The following SLC25A37 variants were observed in gnomAD, a reference collection of about 807,000 sequenced individuals.
SLC25A37 encodes solute carrier family 25 member 37.
SLC25A37 carries 17 observed loss-of-function variants against 31.0 expected under a neutral mutation model. That is an observed-to-expected ratio of 0.55 (90% CI 0.38 to 0.82). The LOEUF (loss-of-function observed/expected upper bound fraction) is 0.82. Ranked by LOEUF, SLC25A37 falls within the 40% of genes least tolerant of loss-of-function variation. The probability of loss-of-function intolerance (pLI) is 0.00; values close to 1 mark genes in which losing one functional copy is unlikely to be tolerated. For synonymous variants in SLC25A37, 222 were observed against 193.0 expected (o/e 1.15, Z -1.24); for missense variants, 404 against 465.8 (o/e 0.87, Z 1.22).
chr8:23,571,267 G>C, intron 3 of SLC25A37, 68 bp from the exon 4 acceptor site: 1 of 1,459,208 alleles, frequency 6.9e-7, no homozygotes, highest in East Asian at 2.5e-5. Context: ...TCCGACCTGG[G>C]GTGGGGCCAC....
At chr8:23,542,212 G>A (rs901077769) in intron 1 of SLC25A37, among the ~76,000 whole-genome samples, 2 of 152,146 alleles carry the variant, frequency 1.3e-5, no homozygotes, top group Non-Finnish European at 2.9e-5. Context: ...CATTTCGCCC[G>A]TGTTTGGGAT....
chr8:23,570,946 GA>G (rs1324911745), intron 3 of SLC25A37, among the ~76,000 whole-genome samples: 3 of 152,148 alleles, frequency 2.0e-5, no homozygotes, highest in Non-Finnish European at 4.4e-5. Context: ...GGGCAGAGGG[GA>G]CAGGGGACAG....
At chr8:23,537,744 G>A (rs577663485) in intron 1 of SLC25A37, among the ~76,000 whole-genome samples, 121 of 152,316 alleles carry the variant, frequency 7.9e-4, no homozygotes, top group African/African-American at 2.8e-3. Context: ...GGGATCCTGC[G>A]GGAGAGGTAA....
At chr8:23,554,758 TTAG>T (rs1467289419) in intron 1 of SLC25A37, among the ~76,000 whole-genome samples, 1 of 152,234 alleles carries the variant, frequency 6.6e-6, no homozygotes, top group Admixed American at 6.5e-5. Context: ...GTATGTGATG[TTAG>T]TGGTGGCCTG....
intron 1 of SLC25A37, among the ~76,000 whole-genome samples, chr8:23,536,959 G>A (rs974189741): frequency 6.6e-6 from 1 of 152,218 alleles, no homozygotes; most frequent in African/African-American, 2.4e-5. Context: ...ACCTTGAGAG[G>A]CCGAGGTGGG....
rs554957584 is a variant in SLC25A37, at chr8:23,554,406, T to G, written c.211-11702T>G. 2.0e-5 allele frequency among the ~76,000 whole-genome samples: 3 copies of G among 152,182 alleles called. No homozygotes were observed. The South Asian group carries it at 6.2e-4, about 32-fold the overall frequency. ...GAGAGACTGGCAGCTCAGTTCCCTC[T>G]CCAGTCCAGGGTAGTCCCTTCCCTT... On this transcript the variant is annotated intron_variant, in intron 1 of 3. Transcript: ENST00000519973.
At chr8:23,545,845 T>TAAAAAA (rs1216644771) in intron 1 of SLC25A37, among the ~76,000 whole-genome samples, 1 of 151,508 alleles carries the variant, frequency 6.6e-6, no homozygotes, top group Non-Finnish European at 1.5e-5. Context: ...AAAATAAAAA[T>TAAAAAA]AAAAAAATAG....
At chr8:23,554,387 C>T (rs1802310323) in intron 1 of SLC25A37, among the ~76,000 whole-genome samples, 1 of 152,204 alleles carries the variant, frequency 6.6e-6, no homozygotes, top group South Asian at 2.1e-4. Flanking sequence ...GCAGGAGAGA[C>T]TGGCAGCTCA....
chr8:23,552,111 A>C (rs977185661), intron 1 of SLC25A37, among the ~76,000 whole-genome samples: 7 of 152,196 alleles, frequency 4.6e-5, no homozygotes, highest in Non-Finnish European at 5.9e-5. Flanking sequence ...AAAAACACCC[A>C]CACCTTCTAG....
Position 23,571,667 on chromosome 8 carries a change from G to C in SLC25A37, c.829G>C (p.Gly277Arg), listed in dbSNP as rs748631726. The C allele has an allele frequency of 4.2e-5, 67 of 1,613,808 alleles. No homozygotes were observed. The highest frequency in any genetic ancestry group is 5.7e-5 in the Non-Finnish European group (67 of 1,179,880). Reference protein sequence around the residue: ...NVALSLANISGRLSGMANAFR... With the variant: ...NVALSLANISRRLSGMANAFR... ...GGCCCTCTCGCTGGCCAACATCAGC[G>C]GCCGGCTGTCGGGTATGGCCAATGC... The change falls in exon 4 of 4, where the codon GGC becomes CGC. Residue 277 changes from glycine (G) to arginine (R), a missense_variant. Around this residue, in one of 3 missense-constraint regions of SLC25A37, gnomAD observed 243 missense variants for 284.4 expected, o/e 0.85. Transcript: ENST00000519973.
Position 23,544,406 on chromosome 8 carries a change from G to A in SLC25A37, c.210+15194G>A, listed in dbSNP as rs1480074855. ...CTCAGAACATATCCCCGTCATTTGC[G>A]ATGCGTGACTGTAATTAAGGAATGG... On this transcript the variant is annotated intron_variant, in intron 1 of 3. Coordinates refer to ENST00000519973, the MANE Select transcript of SLC25A37 (RefSeq NM_016612.4). 3.9e-5 allele frequency among the ~76,000 whole-genome samples: 6 copies of A among 152,148 alleles called. No individual in the cohort carries two copies. The East Asian group carries it at 9.6e-4, about 24-fold the overall frequency.
intron 1 of SLC25A37, among the ~76,000 whole-genome samples, chr8:23,531,168 G>T (rs1801653898): frequency 6.6e-6 from 1 of 152,194 alleles, no homozygotes; most frequent in African/African-American, 2.4e-5. Flanking sequence ...GCTGAAGTGT[G>T]CAGGGTTGGT....
In SLC25A37 at chr8:23,572,380, C is replaced by A. The variant is rs1402538505; in HGVS notation, c.*525C>A. On this transcript the variant is annotated 3_prime_UTR_variant, in exon 4 of 4. Transcript: ENST00000519973. ...TCTACACCTAGTATTACGGCTGGGACTCTCCAGCTGTTTTTGTTGTTGTTA... is the reference window on the plus strand; with the variant it reads ...TCTACACCTAGTATTACGGCTGGGAATCTCCAGCTGTTTTTGTTGTTGTTA... 1 of 151,562 alleles carries A rather than the reference C, an allele frequency of 6.6e-6. No individual in the cohort carries two copies. The highest frequency in any genetic ancestry group is 2.5e-5 in the African/African-American group (1 of 40,480). 9.4% of individuals were successfully genotyped at this position (151,562 alleles called of 1,614,324 possible).
intron 2 of SLC25A37, chr8:23,566,679 A>C: frequency 9.8e-7 from 1 of 1,016,784 alleles, no homozygotes; most frequent in East Asian, 9.9e-5. Context: ...CATAGGAGAA[A>C]CCCTGAATAG....
At position 23,550,234 on chromosome 8, in the gene SLC25A37, C is replaced by T. The variant is rs906554605; in HGVS notation, c.211-15874C>T. Among the ~76,000 whole-genome samples the T allele has an allele frequency of 4.1e-5, 5 of 123,322 alleles. 1 individual carries two copies. Among genetic ancestry groups the T allele is most frequent in the African/African-American group, 2.1e-4 (5 of 23,888 alleles). The allele number at this position is 123,322 out of a possible 152,430, so 80.9% of individuals were successfully genotyped here. A position where few individuals can be genotyped will look rare whatever the true frequency, so the allele number is the denominator to read the frequency against. On this transcript the variant is annotated intron_variant, in intron 1 of 3. Transcript: ENST00000519973. Reference sequence around the variant, plus strand: ...AAACAAAAACCCGCTTTGTTACCTGCCTGTGGGTGGAATTGAGTTCATCTC... The same window carrying T: ...AAACAAAAACCCGCTTTGTTACCTGTCTGTGGGTGGAATTGAGTTCATCTC...
intron 1 of SLC25A37, among the ~76,000 whole-genome samples, chr8:23,543,644 C>T (rs541724097): frequency 2.4e-4 from 37 of 152,302 alleles, no homozygotes; most frequent in Middle Eastern, 3.4e-3. Context: ...ATGCCATTCT[C>T]CTTCCCCAGC....
intron 1 of SLC25A37, among the ~76,000 whole-genome samples, chr8:23,542,778 G>C (rs1801932209): frequency 6.6e-6 from 1 of 150,968 alleles, no homozygotes; most frequent in Non-Finnish European, 1.5e-5. Flanking sequence ...GGAGGTGCCA[G>C]CTGCATTGGG....
At chr8:23,544,588 C>A (rs1184211608) in intron 1 of SLC25A37, among the ~76,000 whole-genome samples, 1 of 152,108 alleles carries the variant, frequency 6.6e-6, no homozygotes, top group Non-Finnish European at 1.5e-5. Flanking sequence ...AGGGATCCTG[C>A]ACCTCACGGG....
intron 1 of SLC25A37, among the ~76,000 whole-genome samples, chr8:23,542,195 C>T (rs546899099): frequency 1.1e-4 from 16 of 152,268 alleles, no homozygotes; most frequent in African/African-American, 3.4e-4. Context: ...GGCATCACAA[C>T]GCATTGCATT....
Sources: allele counts gnomAD v4.1 joint callset (sites outside exome capture counted in the v4.1 genomes callset), GRCh38; gene constraint gnomAD v4.1.1; regional missense constraint gnomAD v4.1.1; transcripts MANE v1.5; gene names NCBI Gene and HGNC (gene_info 2026-07-23, HGNC 2026-07-21).